Variants in TNFSF4 observed in about 807,000 individuals in gnomAD.
TNFSF4 encodes the protein tumor necrosis factor ligand superfamily member 4.
A neutral mutation model predicts 7.3 loss-of-function variants in TNFSF4; 4 were observed. The observed-to-expected ratio is 0.55, with a 90% CI of 0.27 to 1.25. TNFSF4 has a LOEUF of 1.25. Among genes scored for constraint, TNFSF4 ranks in the 50% most tolerant of loss-of-function variants. The probability of loss-of-function intolerance (pLI) is 0.12; values close to 1 mark genes in which losing one functional copy is unlikely to be tolerated. For missense variants in TNFSF4, 181 were observed against 208.8 expected (o/e 0.87, Z 0.82); for synonymous variants, 76 against 83.7 (o/e 0.91, Z 0.50).
At chr1:173,332,684 T>C in the TNFSF4 span, among the ~76,000 whole-genome samples, 1 of 151,420 alleles carries the variant, frequency 6.6e-6, no homozygotes, top group Non-Finnish European at 1.5e-5. Context: ...TGAAATCCCA[T>C]CTCTACTAAA....
At chr1:173,393,147 A>T in the TNFSF4 span, among the ~76,000 whole-genome samples, 2 of 152,210 alleles carry the variant, frequency 1.3e-5, no homozygotes, top group Admixed American at 6.5e-5. Context: ...AAGCTCCTAA[A>T]ATGTGTGGAA....
At chr1:173,241,804 C>T in the TNFSF4 span, among the ~76,000 whole-genome samples, 1 of 152,142 alleles carries the variant, frequency 6.6e-6, no homozygotes, top group African/African-American at 2.4e-5. Context: ...GATTTGCTTG[C>T]TTGAATAATT....
At chr1:173,341,808 G>T in the TNFSF4 span, among the ~76,000 whole-genome samples, 3 of 152,088 alleles carry the variant, frequency 2.0e-5, no homozygotes, top group Non-Finnish European at 4.4e-5. Context: ...TCTGGTGAAA[G>T]ATTGCTCTGT....
the TNFSF4 span, among the ~76,000 whole-genome samples, chr1:173,329,694 T>C: frequency 6.6e-6 from 1 of 152,132 alleles, no homozygotes; most frequent in Non-Finnish European, 1.5e-5. Flanking sequence ...AATAGGCAAT[T>C]ATTGAGACCC....
the TNFSF4 span, among the ~76,000 whole-genome samples, chr1:173,221,304 T>C: frequency 6.6e-6 from 1 of 152,202 alleles, no homozygotes; most frequent in African/African-American, 2.4e-5. Flanking sequence ...TTCAGATTCA[T>C]GTTTTTAAAA....
At chr1:173,391,706 G>A in the TNFSF4 span, among the ~76,000 whole-genome samples, 2 of 152,034 alleles carry the variant, frequency 1.3e-5, no homozygotes, top group Non-Finnish European at 2.9e-5. Context: ...CTGCCAGCTG[G>A]ACAGTCTAAA....
the TNFSF4 span, among the ~76,000 whole-genome samples, chr1:173,436,571 G>A: frequency 6.6e-6 from 1 of 152,132 alleles, no homozygotes; most frequent in South Asian, 2.1e-4. Flanking sequence ...CACCACACCT[G>A]GCTAATTTTT....
chr1:173,385,049 A>C, the TNFSF4 span, among the ~76,000 whole-genome samples: 1 of 152,244 alleles, frequency 6.6e-6, no homozygotes, highest in African/African-American at 2.4e-5. Context: ...TTTTAAGTAA[A>C]TCTGCATTTG....
chr1:173,296,343 T>C, the TNFSF4 span, among the ~76,000 whole-genome samples: 3 of 152,034 alleles, frequency 2.0e-5, no homozygotes, highest in Non-Finnish European at 2.9e-5. Context: ...TCCTAATATA[T>C]AGAAGGCATT....
intron 1 of TNFSF4, among the ~76,000 whole-genome samples, chr1:173,194,688 G>T (rs369179464): frequency 1.6e-4 from 24 of 151,960 alleles, no homozygotes; most frequent in East Asian, 9.7e-4. Context: ...TCCAGGACCA[G>T]CCTGGACAAC....
At chr1:173,393,512 A>G in the TNFSF4 span, among the ~76,000 whole-genome samples, 1 of 152,192 alleles carries the variant, frequency 6.6e-6, no homozygotes, top group South Asian at 2.1e-4. Flanking sequence ...TAAGGTCCAA[A>G]CCCCTTAACT....
the TNFSF4 span, among the ~76,000 whole-genome samples, chr1:173,447,820 A>C: frequency 6.6e-6 from 1 of 152,148 alleles, no homozygotes; most frequent in Non-Finnish European, 1.5e-5. Context: ...TAAGCACACC[A>C]ATTAAAACAT....
chr1:173,332,914 A>G, the TNFSF4 span, among the ~76,000 whole-genome samples: 10 of 152,242 alleles, frequency 6.6e-5, no homozygotes, highest in Non-Finnish European at 1.5e-4. Context: ...AGGAGGATAT[A>G]GAAAATATAC....
At chr1:173,180,754 A>T (rs1649042636), downstream of TNFSF4, among the ~76,000 whole-genome samples, 1 of 152,192 alleles carries the variant, frequency 6.6e-6, no homozygotes, top group Non-Finnish European at 1.5e-5. Flanking sequence ...ATAATTTGGT[A>T]TATTTTATCA....
chr1:173,249,447 C>T, the TNFSF4 span, among the ~76,000 whole-genome samples: 1 of 152,170 alleles, frequency 6.6e-6, no homozygotes, highest in Non-Finnish European at 1.5e-5. Context: ...CAAGGGAAAG[C>T]TATACTCTTA....
chr1:173,293,617 T>C, the TNFSF4 span, among the ~76,000 whole-genome samples: 1 of 152,024 alleles, frequency 6.6e-6, no homozygotes, highest in African/African-American at 2.4e-5. Flanking sequence ...AATTGACACA[T>C]GGGACCTAAT....
the TNFSF4 span, among the ~76,000 whole-genome samples, chr1:173,356,268 T>G: frequency 6.6e-6 from 1 of 152,174 alleles, no homozygotes; most frequent in Admixed American, 6.5e-5. Context: ...AGGCATCTTC[T>G]CTGTCCTGTG....
the TNFSF4 span, among the ~76,000 whole-genome samples, chr1:173,246,133 T>C: frequency 6.6e-6 from 1 of 152,186 alleles, no homozygotes; most frequent in Non-Finnish European, 1.5e-5. Context: ...GTCCTATTTT[T>C]AATTTGAGAA....
chr1:173,342,795 A>T, the TNFSF4 span, among the ~76,000 whole-genome samples: 3 of 152,246 alleles, frequency 2.0e-5, no homozygotes, highest in Non-Finnish European at 4.4e-5. Context: ...GCTCTGCAGA[A>T]GAGCCTTGTG....
Sources: gnomAD v4.1 joint callset for allele counts (sites outside exome capture counted in the v4.1 genomes callset) on GRCh38, gnomAD v4.1.1 for gene constraint, MANE v1.5 for transcripts, NCBI Gene and HGNC (gene_info 2026-07-23, HGNC 2026-07-21) for gene names.